The following CERS6 variants were observed in gnomAD, a reference collection of about 807,000 sequenced individuals.
CERS6 encodes the protein LAG1 homolog, ceramide synthase 6.
In CERS6, 26 loss-of-function variants were observed where a neutral mutation model predicts 56.8. The ratio of observed to expected loss-of-function variants is 0.46; its 90% CI spans 0.34 to 0.63. The LOEUF (loss-of-function observed/expected upper bound fraction) is 0.63, where lower values mean the gene tolerates loss of function less well. Ranked by LOEUF, CERS6 falls within the 30% of genes least tolerant of loss-of-function variation. CERS6 has a pLI of 0.01. For missense variants in CERS6, 415 were observed against 467.5 expected (o/e 0.89, Z 1.04); for synonymous variants, 164 against 173.3 (o/e 0.95, Z 0.42).
chr2:168,768,923 G>GA (rs1684795497), intron 9 of CERS6, among the ~76,000 whole-genome samples: 1 of 126,216 alleles, frequency 7.9e-6, no homozygotes, highest in African/African-American at 3.1e-5. Context: ...AAAAAAAAAA[G>GA]AAAAGAAAAA....
At chr2:168,711,842 T>C (rs1049181298) in intron 6 of CERS6, among the ~76,000 whole-genome samples, 1 of 152,164 alleles carries the variant, frequency 6.6e-6, no homozygotes, top group Non-Finnish European at 1.5e-5. Context: ...TCCATAATTG[T>C]TCAAGACACC....
At chr2:168,648,247 C>T (rs4668091) in intron 4 of CERS6, among the ~76,000 whole-genome samples, 1,759 of 151,812 alleles carry the variant, frequency 0.012, 44 homozygotes, top group African/African-American at 0.04. Flanking sequence ...TCAGTCTTGG[C>T]GGGTATATGT....
chr2:168,763,231 T>C (rs1168376633), intron 8 of CERS6, among the ~76,000 whole-genome samples: 12 of 123,588 alleles, frequency 9.7e-5, no homozygotes, highest in African/African-American at 3.3e-4. Flanking sequence ...TGTTTCTCTC[T>C]CTCTCTCTCT....
chr2:168,577,154 G>C (rs1434635258), intron 3 of CERS6, among the ~76,000 whole-genome samples: 1 of 152,104 alleles, frequency 6.6e-6, no homozygotes, highest in Non-Finnish European at 1.5e-5. Flanking sequence ...AGAGAGTGAG[G>C]GTAAGTAGAG....
At chr2:168,567,065 A>G (rs1695897490) in intron 3 of CERS6, among the ~76,000 whole-genome samples, 1 of 152,218 alleles carries the variant, frequency 6.6e-6, no homozygotes, top group Non-Finnish European at 1.5e-5. Flanking sequence ...CAATGTGTAA[A>G]TGCTGATTAT....
At chr2:168,652,002 A>C (rs76297290) in intron 4 of CERS6, among the ~76,000 whole-genome samples, 5,196 of 151,864 alleles carry the variant, frequency 0.034, 238 homozygotes, top group African/African-American at 0.1. Context: ...TCTCTTTTTC[A>C]TACATTATCT....
At chr2:168,634,404 TTTTGTTTG>T (rs757997321) in intron 4 of CERS6, among the ~76,000 whole-genome samples, 7 of 152,040 alleles carry the variant, frequency 4.6e-5, no homozygotes, top group East Asian at 1.9e-4. Flanking sequence ...CATGTGGGGT[TTTTGTTTG>T]TTTGTTTGTT....
chr2:168,535,888 T>A (rs975292491), intron 1 of CERS6, among the ~76,000 whole-genome samples: 1 of 151,942 alleles, frequency 6.6e-6, no homozygotes, highest in Non-Finnish European at 1.5e-5. Flanking sequence ...TTGGTACATT[T>A]TCCTGATGTG....
intron 1 of CERS6, among the ~76,000 whole-genome samples, chr2:168,540,643 A>G (rs989709747): frequency 6.6e-6 from 1 of 152,364 alleles, no homozygotes; most frequent in East Asian, 1.9e-4. Flanking sequence ...CTCAGAATGT[A>G]TCCCTATTGT....
intron 7 of CERS6, 88 bp from the exon 8 acceptor site, chr2:168,717,784 A>C: frequency 1.1e-6 from 1 of 876,452 alleles, no homozygotes; most frequent in Non-Finnish European, 1.8e-6. Flanking sequence ...CTGGTAAGGT[A>C]TATCTTATAG....
intron 3 of CERS6, among the ~76,000 whole-genome samples, chr2:168,561,662 G>A (rs1280120767): frequency 6.6e-6 from 1 of 152,118 alleles, no homozygotes; most frequent in African/African-American, 2.4e-5. Flanking sequence ...AAAGGCAAAG[G>A]CAACTTAGGT....
At chr2:168,599,863 AT>A (rs1461609314) in intron 3 of CERS6, among the ~76,000 whole-genome samples, 1 of 152,180 alleles carries the variant, frequency 6.6e-6, no homozygotes, top group Non-Finnish European at 1.5e-5. Flanking sequence ...GAGATGAGCT[AT>A]TTGCCTTCAA....
intron 2 of CERS6, among the ~76,000 whole-genome samples, chr2:168,555,264 T>C (rs2105377174): frequency 6.6e-6 from 1 of 152,138 alleles, no homozygotes; most frequent in Admixed American, 6.5e-5. Context: ...CCTGAAAATT[T>C]ATAAATACTG....
At chr2:168,705,342 A>G (rs753801562) in intron 6 of CERS6, among the ~76,000 whole-genome samples, 1 of 152,128 alleles carries the variant, frequency 6.6e-6, no homozygotes, top group Non-Finnish European at 1.5e-5. Flanking sequence ...CCAAAAGAGG[A>G]GAAAACGCAA....
chr2:168,537,038 T>C (rs572168772), intron 1 of CERS6, among the ~76,000 whole-genome samples: 1 of 152,344 alleles, frequency 6.6e-6, no homozygotes, highest in Admixed American at 6.5e-5. Flanking sequence ...ACAAGATTAA[T>C]TATACCTTTA....
chr2:168,730,319 G>A (rs1333511537), intron 8 of CERS6, among the ~76,000 whole-genome samples: 2 of 152,310 alleles, frequency 1.3e-5, no homozygotes, highest in East Asian at 3.9e-4. Flanking sequence ...AGCATCAAAT[G>A]TATTTAAAGA....
At position 168,630,648 on chromosome 2, in the gene CERS6, A is replaced by G. The variant is rs190165807; in HGVS notation, c.408-337A>G. 2.1e-3 allele frequency among the ~76,000 whole-genome samples: 316 copies of G among 152,312 alleles called. 1 individual carries two copies. The South Asian group carries it at 0.022, about 11-fold the overall frequency. ...GTTTTGAATTATTTGTCTGATTCAGATATTATACCTTCATATTACCAAATC... is the reference window on the plus strand; with the variant it reads ...GTTTTGAATTATTTGTCTGATTCAGGTATTATACCTTCATATTACCAAATC... On this transcript the variant is annotated intron_variant, in intron 3 of 9. Coordinates refer to ENST00000305747, the MANE Select transcript of CERS6 (RefSeq NM_203463.3).
In CERS6 at chr2:168,744,066, C is replaced by T. The variant is rs113615147; in HGVS notation, c.846-21526C>T. 2.0e-4 allele frequency among the ~76,000 whole-genome samples: 26 copies of T among 128,484 alleles called. 1 individual carries two copies. The highest frequency in any genetic ancestry group is 7.9e-4 in the Admixed American group (8 of 10,082). 84.3% of individuals were successfully genotyped at this position (128,484 alleles called of 152,430 possible). On this transcript the variant is annotated intron_variant, in intron 8 of 9. Transcript: ENST00000305747. ...AGGCTGGAAGGCTGGAGTGCAGTGG[C>T]GGGATCTGGGCTCACTGCAAGCTCC...
At chr2:168,522,017 G>A (rs116683309) in intron 1 of CERS6, among the ~76,000 whole-genome samples, 1,667 of 152,250 alleles carry the variant, frequency 0.011, 16 homozygotes, top group African/African-American at 0.024. Context: ...TTTAAGGTTC[G>A]TGTGCCTGGG....
Sources: gnomAD v4.1 joint callset for allele counts (sites outside exome capture counted in the v4.1 genomes callset) on GRCh38, gnomAD v4.1.1 for gene constraint, MANE v1.5 for transcripts, NCBI Gene and HGNC (gene_info 2026-07-23, HGNC 2026-07-21) for gene names.